The following COLGALT2 variants were observed in gnomAD, a reference collection of about 807,000 sequenced individuals.
COLGALT2 encodes procollagen galactosyltransferase 2.
In COLGALT2, 49 loss-of-function variants were observed where a neutral mutation model predicts 73.4. The observed-to-expected ratio is 0.67, with a 90% confidence interval of 0.53 to 0.85. The LOEUF (loss-of-function observed/expected upper bound fraction) is 0.85, where lower values mean the gene tolerates loss of function less well. Among genes scored for constraint, COLGALT2 ranks in the 40% least tolerant of loss-of-function variants. COLGALT2 has a pLI of 0.00. For missense variants in COLGALT2, 722 were observed against 790.2 expected (o/e 0.91, Z 1.03); for synonymous variants, 295 against 307.6 (o/e 0.96, Z 0.43).
chr1:183,931,982 A>G (rs978159889), downstream of COLGALT2, among the ~76,000 whole-genome samples: 1 of 152,120 alleles, frequency 6.6e-6, no homozygotes, highest in Admixed American at 6.5e-5. Flanking sequence ...CTAACATCCA[A>G]GTCTGCAGAA....
intron 2 of COLGALT2, 50 bp from the exon 3 acceptor site, chr1:183,975,264 G>C (rs371961091): frequency 4.4e-6 from 5 of 1,147,870 alleles, no homozygotes; most frequent in Middle Eastern, 2.0e-4. Flanking sequence ...CATGTACCAG[G>C]CTCTGTCCTA....
intron 1 of COLGALT2, among the ~76,000 whole-genome samples, chr1:183,979,330 G>A (rs556507502): frequency 6.6e-6 from 1 of 152,204 alleles, no homozygotes; most frequent in East Asian, 1.9e-4. Context: ...AAAAAGAGAA[G>A]AAAGCAGGAG....
At chr1:183,932,482 G>GGGA (rs1256699054), downstream of COLGALT2, among the ~76,000 whole-genome samples, 1 of 152,012 alleles carries the variant, frequency 6.6e-6, no homozygotes, top group Non-Finnish European at 1.5e-5. Flanking sequence ...ACCTCCTCCC[G>GGGA]GGAGGAGCCA....
chr1:184,012,412 G>A (rs151337180), intron 1 of COLGALT2, among the ~76,000 whole-genome samples: 71 of 152,160 alleles, frequency 4.7e-4, no homozygotes, highest in African/African-American at 1.6e-3. Context: ...TAAACAAAAT[G>A]AAAACATGAT....
intron 1 of COLGALT2, among the ~76,000 whole-genome samples, chr1:184,036,889 G>C (rs573570354): frequency 3.3e-5 from 5 of 152,228 alleles, no homozygotes; most frequent in African/African-American, 9.6e-5. Context: ...TGCGCACACT[G>C]ACCCGCGCGT....
chr1:183,975,079 T>C lies in COLGALT2; in HGVS notation c.492+18A>G. On this transcript the variant is annotated intron_variant, in intron 3 of 11. Transcript: ENST00000361927. ...ACCTGAGATGACAGTTGTCAAGAAA[T>C]CAAACATCTGTTTTTACCAGAATGT... The C allele has an allele frequency of 6.5e-7, 1 of 1,544,836 alleles. No homozygotes were observed. The highest frequency in any genetic ancestry group is 9.0e-7 in the Non-Finnish European group (1 of 1,117,176).
Position 183,969,427 on chromosome 1 carries a change from T to C in COLGALT2, c.674A>G (p.Lys225Arg), listed in dbSNP as rs535756103. Residue 225 changes from lysine (K) to arginine (R), a missense_variant, in exon 5 of 12, where the codon AAG becomes AGG. By Grantham distance (26) the Lys-to-Arg change is conservative (BLOSUM62 2). Transcript: ENST00000361927. ...GGGGACGGGGAAGCAGCCTGTCCTC[T>C]TCCATTCTCGAATCTGAACGTAGTC... ...TPDYVQIREW[K>R]RTGCFPVPMV... 40 of 1,613,544 alleles carry C rather than the reference T, an allele frequency of 2.5e-5. No homozygotes were observed. In the South Asian group the frequency reaches 4.3e-4, roughly 17 times the overall value.
chr1:183,955,396 A>C (rs958778095), intron 6 of COLGALT2, among the ~76,000 whole-genome samples: 47 of 152,148 alleles, frequency 3.1e-4, no homozygotes, highest in African/African-American at 1.1e-3. Context: ...TTTTCTCTGC[A>C]TTTAAAATTG....
intron 2 of COLGALT2, among the ~76,000 whole-genome samples, chr1:183,978,047 T>C (rs146533434): frequency 2.5e-4 from 38 of 152,174 alleles, no homozygotes; most frequent in African/African-American, 8.7e-4. Context: ...ATTATCAAGA[T>C]AAAAGTTGAA....
chr1:183,944,041 C>T (rs1239792795), intron 10 of COLGALT2, among the ~76,000 whole-genome samples, 155 bp downstream of exon 10: 1 of 152,170 alleles, frequency 6.6e-6, no homozygotes, highest in Non-Finnish European at 1.5e-5. Context: ...CTAACCTCTA[C>T]CCATTTTTAT....
At chr1:183,940,552 G>C in intron 11 of COLGALT2, 29 bp downstream of exon 11, 1 of 1,601,350 alleles carries the variant, frequency 6.2e-7, no homozygotes, top group Non-Finnish European at 8.6e-7. Context: ...CTGTGCCCAA[G>C]GGAAGGCAGG....
At chr1:183,967,082 C>T (rs1037314870) in intron 5 of COLGALT2, among the ~76,000 whole-genome samples, 3 of 152,220 alleles carry the variant, frequency 2.0e-5, no homozygotes, top group Admixed American at 6.5e-5. Context: ...TGGAGACATG[C>T]CCTGGGCTGC....
rs555841041 is a variant in COLGALT2 at position 183,969,363 on chromosome 1, C to T, written c.738G>A (p.Glu246=). ...HSTFLIDLRK[E]ASDKLTFYPP... ...GGTAGAAAGTCAGCTTGTCCGAGGCCTCCTTCCTGAGGTCAATTAGGAAGG... is the reference window on the plus strand; with the variant it reads ...GGTAGAAAGTCAGCTTGTCCGAGGCTTCCTTCCTGAGGTCAATTAGGAAGG... Residue 246 remains glutamate (E), a synonymous_variant, in exon 5 of 12, where the codon GAG becomes GAA. Transcript: ENST00000361927. The T allele has an allele frequency of 1.9e-6, 3 of 1,613,934 alleles. No individual in the cohort carries two copies. Among genetic ancestry groups the T allele is most frequent in the South Asian group, 1.1e-5 (1 of 91,050 alleles).
intron 1 of COLGALT2, among the ~76,000 whole-genome samples, chr1:184,030,461 C>A (rs893287329): frequency 6.6e-6 from 1 of 152,100 alleles, no homozygotes; most frequent in African/African-American, 2.4e-5. Flanking sequence ...AGAAACAAGC[C>A]TTATTATTGT....
At chr1:183,988,278 A>G (rs56379671) in intron 1 of COLGALT2, among the ~76,000 whole-genome samples, 9 of 152,334 alleles carry the variant, frequency 5.9e-5, no homozygotes, top group Non-Finnish European at 1.2e-4. Context: ...TCCTGCAAAC[A>G]CCGTACATAC....
chr1:183,988,926 A>G (rs912732184), intron 1 of COLGALT2, among the ~76,000 whole-genome samples: 1 of 152,204 alleles, frequency 6.6e-6, no homozygotes, highest in African/African-American at 2.4e-5. Context: ...TGGAGAATCT[A>G]CTATGTTCCA....
chr1:183,943,136 A>C (rs909281722), intron 10 of COLGALT2, among the ~76,000 whole-genome samples: 3 of 152,224 alleles, frequency 2.0e-5, no homozygotes, highest in African/African-American at 7.2e-5. Context: ...CATGACTGAA[A>C]TCTGACAGGG....
At chr1:183,989,401 G>T (rs1323392012) in intron 1 of COLGALT2, among the ~76,000 whole-genome samples, 1 of 152,200 alleles carries the variant, frequency 6.6e-6, no homozygotes, top group African/African-American at 2.4e-5. Context: ...GGGAACTGGA[G>T]CCAGCGCGAC....
intron 1 of COLGALT2, among the ~76,000 whole-genome samples, chr1:184,016,297 G>C (rs1572679299): frequency 6.6e-6 from 1 of 152,208 alleles, no homozygotes; most frequent in East Asian, 1.9e-4. Context: ...TGCGGCAAAA[G>C]CAGCCATATG....
Sources: gnomAD v4.1 joint callset for allele counts (sites outside exome capture counted in the v4.1 genomes callset) on GRCh38, gnomAD v4.1.1 for gene constraint, MANE v1.5 for transcripts, NCBI Gene and HGNC (gene_info 2026-07-23, HGNC 2026-07-21) for gene names.